Variants in NCR2 observed in about 807,000 individuals in gnomAD.
The protein encoded by NCR2 is NK cell activating receptor (NKp44).
A neutral mutation model predicts 30.7 loss-of-function variants in NCR2; 35 were observed. The observed-to-expected ratio is 1.14, with a 90% confidence interval of 0.87 to 1.51. NCR2 has a LOEUF of 1.51. Among genes scored for constraint, NCR2 ranks in the 40% most tolerant of loss-of-function variants. The pLI is 0.00. For missense variants in NCR2, 316 were observed against 328.9 expected (o/e 0.96, Z 0.30); for synonymous variants, 146 against 134.8 (o/e 1.08, Z -0.58).
chr6:41,339,305 G>A (rs9471583), intron 2 of NCR2, among the ~76,000 whole-genome samples: 18,616 of 151,976 alleles, frequency 0.12, 1,626 homozygotes, highest in East Asian at 0.31. Flanking sequence ...CAGGTGATCC[G>A]CCTGACTCGG....
chr6:41,344,688 T>G (rs1313351284), intron 4 of NCR2, among the ~76,000 whole-genome samples: 1 of 152,254 alleles, frequency 6.6e-6, no homozygotes, highest in Non-Finnish European at 1.5e-5. Context: ...TTTGAACTTT[T>G]CCGAAGCTTT....
At chr6:41,336,517 A>T in intron 2 of NCR2, 89 bp downstream of exon 2, 1 of 1,069,534 alleles carries the variant, frequency 9.3e-7, no homozygotes, top group Non-Finnish European at 1.4e-6. Flanking sequence ...CGTGGAAGCC[A>T]CCCATGCCCA....
chr6:41,339,790 C>T (rs1308874659), intron 2 of NCR2, among the ~76,000 whole-genome samples: 1 of 152,196 alleles, frequency 6.6e-6, no homozygotes, highest in African/African-American at 2.4e-5. Flanking sequence ...TTTGGGGTAC[C>T]CGTATTCTGC....
chr6:41,345,029 C>T (rs1246904191), intron 4 of NCR2, among the ~76,000 whole-genome samples: 2 of 152,114 alleles, frequency 1.3e-5, no homozygotes, highest in African/African-American at 4.8e-5. Context: ...CCCAGGCCCC[C>T]ACTGCACACT....
In NCR2 at chr6:41,342,113, C is replaced by A; in HGVS notation, c.608C>A (p.Ala203Asp). The change falls in exon 4 of 5, where the codon GCC (alanine) becomes GAC (aspartate). Residue 203 changes from alanine to aspartate, a missense_variant. Transcript: ENST00000373089. ...LVPVFCGLLV[A>D]KSLVLSALLV... is the part of the protein sequence containing the mutation. ...CCTGTGTTCTGTGGACTCCTCGTAGCCAAGAGCCTGGTGCTGTCAGCCCTG... is the reference window on the plus strand; with the variant it reads ...CCTGTGTTCTGTGGACTCCTCGTAGACAAGAGCCTGGTGCTGTCAGCCCTG... The A allele has an allele frequency of 6.2e-7, 1 of 1,613,614 alleles. No homozygotes were observed. Among genetic ancestry groups the A allele is most frequent in the Non-Finnish European group, 8.5e-7 (1 of 1,180,002 alleles).
chr6:41,350,445 G>C (rs146695003), intron 4 of NCR2, among the ~76,000 whole-genome samples: 1 of 152,114 alleles, frequency 6.6e-6, no homozygotes, highest in South Asian at 2.1e-4. Flanking sequence ...GGACAGTAGA[G>C]GAAAATAAAG....
At chr6:41,340,040 T>A (rs1234869604) in intron 2 of NCR2, among the ~76,000 whole-genome samples, 5 of 152,112 alleles carry the variant, frequency 3.3e-5, no homozygotes, top group Admixed American at 6.5e-5. Flanking sequence ...ACTCTAAATT[T>A]TGTTTAAAAA....
chr6:41,350,807 A>G lies in NCR2; in HGVS notation c.774A>G (p.Leu258=), dbSNP rs149575956. The change falls in exon 5 of 5, where the codon TTA becomes TTG. Residue 258 remains leucine, a synonymous_variant. Coordinates refer to ENST00000373089, the MANE Select transcript of NCR2 (RefSeq NM_004828.4). ...CCTCACCTGTAGAGAGAGAAATATT[A>G]TATCACACTGTTGCAAGGACTAAGA... is the stretch of plus-strand genomic sequence containing the variant. The part of the protein sequence containing the change: ...SVSSPVEREI[L]YHTVARTKIS... The G allele has an allele frequency of 1.5e-5, 18 of 1,196,860 alleles. No individual in the cohort carries two copies. The African/African-American group carries it at 2.5e-4, about 17-fold the overall frequency. The allele number at this position is 1,196,860 out of a possible 1,614,324, so 74.1% of individuals were successfully genotyped here. A position where few individuals can be genotyped will look rare whatever the true frequency, so the allele number is the denominator to read the frequency against.
chr6:41,340,544 C>T (rs531469779), intron 2 of NCR2, among the ~76,000 whole-genome samples: 1 of 152,302 alleles, frequency 6.6e-6, no homozygotes, highest in Admixed American at 6.5e-5. Context: ...CCATATTCGA[C>T]CCTCCATGCT....
At chr6:41,345,055 CCT>C (rs1769269141) in intron 4 of NCR2, among the ~76,000 whole-genome samples, 1 of 152,112 alleles carries the variant, frequency 6.6e-6, no homozygotes, top group Admixed American at 6.6e-5. Flanking sequence ...TCTGTGGCGC[CCT>C]GTGCCCTGAG....
chr6:41,336,168 C>T lies in NCR2; in HGVS notation c.134C>T (p.Thr45Met), dbSNP rs770262286. The part of the protein sequence containing the change: ...TLTVRCQYPP[T>M]GSLYEKKGWC... The stretch of plus-strand genomic sequence containing the variant: ...ACCGTGAGATGCCAGTACCCGCCCA[C>T]GGGCAGTCTCTACGAGAAGAAAGGC... The change falls in exon 2 of 5, where the codon ACG (threonine) becomes ATG (methionine). Residue 45 changes from threonine to methionine, a missense_variant. By Grantham distance (81) the Thr-to-Met change is moderately conservative (BLOSUM62 -1). Coordinates refer to ENST00000373089, the MANE Select transcript of NCR2 (RefSeq NM_004828.4). The T allele has an allele frequency of 1.6e-5, 26 of 1,614,048 alleles. No individual in the cohort carries two copies. The highest frequency in any genetic ancestry group is 5.5e-5 in the South Asian group (5 of 91,090).
intron 4 of NCR2, among the ~76,000 whole-genome samples, chr6:41,342,524 T>C (rs572323432): frequency 1.4e-4 from 21 of 148,870 alleles, no homozygotes; most frequent in South Asian, 1.1e-3. Context: ...TCCTCTCCTC[T>C]TCTTCCCTCT....
At chr6:41,338,813 G>C (rs1033714407) in intron 2 of NCR2, among the ~76,000 whole-genome samples, 1 of 152,136 alleles carries the variant, frequency 6.6e-6, no homozygotes, top group Non-Finnish European at 1.5e-5. Flanking sequence ...ATGATATCAA[G>C]CTCCCTTCTT....
intron 4 of NCR2, 73 bp from the exon 5 acceptor site, chr6:41,350,605 G>A (rs1769402793): frequency 7.5e-7 from 1 of 1,332,322 alleles, no homozygotes; most frequent in African/African-American, 1.5e-5. Flanking sequence ...ATGGGGAAGG[G>A]GTTGCCTCTG....
chr6:41,342,081 C>G lies in NCR2; in HGVS notation c.576C>G (p.Ala192=), dbSNP rs1346373986. Residue 192 remains alanine, a synonymous_variant, in exon 4 of 5, where the codon GCC becomes GCG. Coordinates refer to ENST00000373089, the MANE Select transcript of NCR2 (RefSeq NM_004828.4). ...TLRPGPAAPI[A]LVPVFCGLLV... is the part of the protein sequence containing the mutation. ...GCCCTGGCCCTGCAGCCCCCATTGC[C>G]CTGGTGCCTGTGTTCTGTGGACTCC... The G allele has an allele frequency of 3.1e-6, 5 of 1,613,828 alleles. No homozygotes were observed. The highest frequency in any genetic ancestry group is 4.2e-6 in the Non-Finnish European group (5 of 1,180,034).
chr6:41,350,706 G>A lies in NCR2; in HGVS notation c.673G>A (p.Glu225Lys), dbSNP rs944863318. ...GGACATATGGTGGAAAACCATGATG[G>A]AGCTCAGGAGCCTGGATACCCAAAA... Reference protein sequence around the residue: ...WGDIWWKTMMELRSLDTQKAT... With the variant: ...WGDIWWKTMMKLRSLDTQKAT... Residue 225 changes from glutamate (E) to lysine (K), a missense_variant, in exon 5 of 5, where the codon GAG becomes AAG. Transcript: ENST00000373089. The A allele has an allele frequency of 4.3e-6, 7 of 1,613,874 alleles. No homozygotes were observed. Among genetic ancestry groups the A allele is most frequent in the Non-Finnish European group, 5.9e-6 (7 of 1,179,906 alleles).
At chr6:41,346,357 C>A (rs1431281909) in intron 4 of NCR2, among the ~76,000 whole-genome samples, 1 of 151,900 alleles carries the variant, frequency 6.6e-6, no homozygotes, top group Non-Finnish European at 1.5e-5. Flanking sequence ...TAATCTCATT[C>A]CCACCACCCC....
intron 2 of NCR2, among the ~76,000 whole-genome samples, chr6:41,336,738 G>A (rs916279288): frequency 6.6e-6 from 1 of 152,164 alleles, no homozygotes; most frequent in Non-Finnish European, 1.5e-5. Flanking sequence ...TTGGTACATA[G>A]TAGGTGCCCA....
In NCR2 at chr6:41,350,700, A is replaced by G. The variant is rs2273962; in HGVS notation, c.667A>G (p.Met223Val). Residue 223 changes from methionine (M) to valine (V), a missense_variant, in exon 5 of 5, where the codon ATG (methionine) becomes GTG (valine). Coordinates refer to ENST00000373089, the MANE Select transcript of NCR2 (RefSeq NM_004828.4). ...VWWGDIWWKT[M>V]MELRSLDTQK... is the part of the protein sequence containing the mutation. Reference sequence around the variant, plus strand: ...CAGGGGGGACATATGGTGGAAAACCATGATGGAGCTCAGGAGCCTGGATAC... The same window carrying G: ...CAGGGGGGACATATGGTGGAAAACCGTGATGGAGCTCAGGAGCCTGGATAC... 0.77 allele frequency: 1,234,943 copies of G among 1,612,676 alleles called. 476,009 individuals are homozygous for G. The highest frequency in any genetic ancestry group is 0.87 in the East Asian group (39,028 of 44,872).
Sources: allele counts gnomAD v4.1 joint callset (sites outside exome capture counted in the v4.1 genomes callset), GRCh38; gene constraint gnomAD v4.1.1; transcripts MANE v1.5; gene names NCBI Gene and HGNC (gene_info 2026-07-23, HGNC 2026-07-21).